MRTFB: variants seen among roughly 807,000 people sequenced by gnomAD.
MRTFB encodes the protein myocardin related transcription factor B.
Under a neutral mutation model 104.2 loss-of-function variants are expected in MRTFB, and 29 were observed. That is an observed-to-expected ratio of 0.28 (90% CI 0.21 to 0.38). The LOEUF (loss-of-function observed/expected upper bound fraction) is 0.38. Ranked by LOEUF, MRTFB falls within the 10% of genes least tolerant of loss-of-function variation. MRTFB has a pLI of 1.00. For missense variants in MRTFB, 1,270 were observed against 1,341.6 expected (o/e 0.95, Z 0.83); for synonymous variants, 535 against 519.5 (o/e 1.03, Z -0.41).
the MRTFB span, among the ~76,000 whole-genome samples, chr16:14,012,020 G>GA: frequency 6.6e-6 from 1 of 152,104 alleles, no homozygotes; most frequent in Non-Finnish European, 1.5e-5. Flanking sequence ...CATTGCCCCT[G>GA]AAAAATGTCT....
At chr16:14,030,063 G>A in the MRTFB span, among the ~76,000 whole-genome samples, 22 of 152,114 alleles carry the variant, frequency 1.4e-4, no homozygotes, top group African/African-American at 4.6e-4. Context: ...CCATGGGCAC[G>A]ATGAGGAGGG....
In MRTFB at chr16:14,177,627, C is replaced by T. The variant is rs1317648531; in HGVS notation, c.155-32616C>T. On this transcript the variant is annotated intron_variant, in intron 3 of 16. Coordinates refer to ENST00000571589, the MANE Select transcript of MRTFB (RefSeq NM_001308142.2). The surrounding 1 kb of genome is among the most constrained non-coding windows in gnomAD (Gnocchi z 4.7). ...ATTGCTTCAGCCCAGGAGTTCGAGACCAGCCTGAGCAACATAGCAAGACCT... is the reference window on the plus strand; with the variant it reads ...ATTGCTTCAGCCCAGGAGTTCGAGATCAGCCTGAGCAACATAGCAAGACCT... Among the ~76,000 whole-genome samples, 2 of 152,040 alleles carry T rather than the reference C, an allele frequency of 1.3e-5. No homozygotes were observed. Among genetic ancestry groups the T allele is most frequent in the Non-Finnish European group, 2.9e-5 (2 of 68,016 alleles).
At chr16:13,999,523 GA>G in the MRTFB span, among the ~76,000 whole-genome samples, 52 of 144,794 alleles carry the variant, frequency 3.6e-4, 1 homozygote, top group South Asian at 4.4e-3. Context: ...AAGAAAGAAA[GA>G]AAAAAAAAAG....
At chr16:14,216,859 T>C (rs558249656) in intron 6 of MRTFB, among the ~76,000 whole-genome samples, 4 of 152,166 alleles carry the variant, frequency 2.6e-5, no homozygotes, top group Non-Finnish European at 4.4e-5. Context: ...AAACAAACAA[T>C]AGCAGTGCCC....
At chr16:14,176,931 G>C (rs901717985) in intron 3 of MRTFB, among the ~76,000 whole-genome samples, 49 of 152,302 alleles carry the variant, frequency 3.2e-4, no homozygotes, top group African/African-American at 1.1e-3. Context: ...GAACAGACCT[G>C]ACTTTCAGGG....
intron 15 of MRTFB, among the ~76,000 whole-genome samples, chr16:14,253,636 T>C (rs1446707286): frequency 6.6e-6 from 1 of 152,184 alleles, no homozygotes; most frequent in Non-Finnish European, 1.5e-5. Context: ...CAGAAGCTGC[T>C]CAGTCCAGGC....
intron 15 of MRTFB, among the ~76,000 whole-genome samples, chr16:14,255,112 C>T (rs1054135543): frequency 1.3e-5 from 2 of 152,170 alleles, no homozygotes; most frequent in Non-Finnish European, 2.9e-5. Context: ...CTTATCCAAT[C>T]TGAATAACAG....
chr16:14,228,373 G>A (rs755855899), intron 8 of MRTFB, among the ~76,000 whole-genome samples: 5 of 152,284 alleles, frequency 3.3e-5, no homozygotes, highest in Non-Finnish European at 7.4e-5. Context: ...TTAGGAGATC[G>A]AGACCATCCT....
intron 15 of MRTFB, among the ~76,000 whole-genome samples, chr16:14,257,535 T>A (rs1213483890): frequency 2.0e-5 from 3 of 151,944 alleles, no homozygotes; most frequent in Non-Finnish European, 4.4e-5. Flanking sequence ...TCCATTCATA[T>A]AAAACTAATC....
At chr16:14,173,879 G>A (rs1373969038) in intron 3 of MRTFB, among the ~76,000 whole-genome samples, 1 of 151,994 alleles carries the variant, frequency 6.6e-6, no homozygotes, top group Non-Finnish European at 1.5e-5. Context: ...CATAGGTCCT[G>A]ATATACAAAA....
At chr16:14,010,524 C>T in the MRTFB span, among the ~76,000 whole-genome samples, 5 of 152,158 alleles carry the variant, frequency 3.3e-5, no homozygotes, top group African/African-American at 1.2e-4. Flanking sequence ...TGGTCTTGAA[C>T]TCGTGGACTC....
chr16:14,214,255 G>T (rs951822837), intron 6 of MRTFB, among the ~76,000 whole-genome samples: 1 of 152,138 alleles, frequency 6.6e-6, no homozygotes, highest in African/African-American at 2.4e-5. Context: ...CAACTCCCAA[G>T]TTACATTTTC....
chr16:14,097,568 A>C (rs1480882676), intron 2 of MRTFB, among the ~76,000 whole-genome samples: 2 of 152,238 alleles, frequency 1.3e-5, no homozygotes, highest in African/African-American at 4.8e-5. Context: ...CTTTTTGTAA[A>C]CAGCTTTATT....
intron 8 of MRTFB, among the ~76,000 whole-genome samples, chr16:14,220,275 A>T: frequency 6.6e-6 from 1 of 152,338 alleles, no homozygotes. Flanking sequence ...TCAAGTATGC[A>T]AGTAGATACC....
chr16:14,116,029 A>G (rs143257040), intron 2 of MRTFB, among the ~76,000 whole-genome samples: 1 of 152,176 alleles, frequency 6.6e-6, no homozygotes, highest in Non-Finnish European at 1.5e-5. Context: ...TTTGGTTCAT[A>G]TTGCTGTTCT....
At chr16:14,162,923 TTCAA>T (rs2039095538) in intron 3 of MRTFB, among the ~76,000 whole-genome samples, 1 of 152,242 alleles carries the variant, frequency 6.6e-6, no homozygotes, top group South Asian at 2.1e-4. Context: ...TAATTTAAAT[TTCAA>T]TCTAACACCA....
chr16:14,075,710 C>CT (rs980316114), intron 1 of MRTFB, among the ~76,000 whole-genome samples: 64 of 152,300 alleles, frequency 4.2e-4, no homozygotes, highest in African/African-American at 1.3e-3. Context: ...CTCACCCCGG[C>CT]TTTTTAAAAT....
chr16:14,031,048 A>G, the MRTFB span, among the ~76,000 whole-genome samples: 1 of 152,172 alleles, frequency 6.6e-6, no homozygotes, highest in Non-Finnish European at 1.5e-5. Flanking sequence ...TATACAAATA[A>G]TTGTCCTGCC....
chr16:14,219,271 A>G (rs1391257725), intron 8 of MRTFB, among the ~76,000 whole-genome samples: 1 of 152,222 alleles, frequency 6.6e-6, no homozygotes, highest in East Asian at 1.9e-4. Flanking sequence ...TTCAACAAAT[A>G]CACATTGAGC....
Sources: gnomAD v4.1 joint callset for allele counts (sites outside exome capture counted in the v4.1 genomes callset) on GRCh38, gnomAD v4.1.1 for gene constraint, Gnocchi (gnomAD v3.1) non-coding constraint, MANE v1.5 for transcripts, NCBI Gene and HGNC (gene_info 2026-07-23, HGNC 2026-07-21) for gene names.